NAALADL2: variants seen among roughly 807,000 people sequenced by gnomAD.
NAALADL2 encodes N-acetylated alpha-linked acidic dipeptidase like 2.
A neutral mutation model predicts 87.2 loss-of-function variants in NAALADL2; 76 were observed. The ratio of observed to expected loss-of-function variants is 0.87; its 90% confidence interval spans 0.72 to 1.05. NAALADL2 has a LOEUF of 1.05. Ranked by LOEUF, NAALADL2 falls within the 50% of genes least tolerant of loss-of-function variation. NAALADL2 has a pLI of 0.00. For missense variants in NAALADL2, 1,089 were observed against 945.8 expected (o/e 1.15, Z -1.99); for synonymous variants, 354 against 331.0 (o/e 1.07, Z -0.75).
chr3:174,694,521 C>T (rs917764440), intron 2 of NAALADL2, among the ~76,000 whole-genome samples: 2 of 151,946 alleles, frequency 1.3e-5, no homozygotes, highest in Non-Finnish European at 2.9e-5. Context: ...AATAAAAAGG[C>T]TTCACTTTGA....
intron 5 of NAALADL2, among the ~76,000 whole-genome samples, chr3:175,416,242 T>C (rs914230269): frequency 1.3e-5 from 2 of 152,158 alleles, no homozygotes; most frequent in African/African-American, 2.4e-5. Flanking sequence ...GGCAAGAACA[T>C]TGAAACAAAA....
At chr3:174,552,610 C>G (rs1712257611) in intron 2 of NAALADL2, among the ~76,000 whole-genome samples, 6 of 151,720 alleles carry the variant, frequency 4.0e-5, no homozygotes, top group Admixed American at 3.9e-4. Flanking sequence ...GCCTGGGAAA[C>G]ATGGCGAAAT....
In NAALADL2 at chr3:174,724,069, C is replaced by T. The variant is rs1478704108; in HGVS notation, c.-114-13572C>T. On this transcript the variant is annotated intron_variant, in intron 2 of 3. Transcript: ENST00000434257. The stretch of plus-strand genomic sequence containing the variant: ...TATTTTGCTATGATGATTTCTTTCT[C>T]CATGTTATTCTCTAAGACTGGCTAC... Among the ~76,000 whole-genome samples the T allele has an allele frequency of 5.3e-5, 8 of 152,012 alleles. No individual in the cohort carries two copies. The South Asian group carries it at 1.7e-3, about 32-fold the overall frequency.
At chr3:175,227,221 T>C (rs1744283200) in intron 2 of NAALADL2, among the ~76,000 whole-genome samples, 2 of 152,188 alleles carry the variant, frequency 1.3e-5, no homozygotes, top group South Asian at 4.1e-4. Flanking sequence ...CATGCCTGGC[T>C]TCCTCCAATT....
chr3:175,016,132 A>G (rs1001889490), intron 1 of NAALADL2, among the ~76,000 whole-genome samples: 1 of 151,320 alleles, frequency 6.6e-6, no homozygotes, highest in Non-Finnish European at 1.5e-5. Context: ...TTATTGTATC[A>G]TGTATTATAT....
chr3:175,444,832 G>A (rs1720432176), intron 5 of NAALADL2, among the ~76,000 whole-genome samples: 1 of 152,108 alleles, frequency 6.6e-6, no homozygotes, highest in African/African-American at 2.4e-5. Flanking sequence ...TGGATTCTAA[G>A]CTTAAATCTT....
intron 3 of NAALADL2, among the ~76,000 whole-genome samples, chr3:174,824,584 G>T (rs1394741572): frequency 6.6e-6 from 1 of 152,102 alleles, no homozygotes; most frequent in Non-Finnish European, 1.5e-5. Flanking sequence ...CCACATAAGT[G>T]ATTTGACTTA....
chr3:175,515,200 A>G (rs550936061), intron 9 of NAALADL2, among the ~76,000 whole-genome samples: 5 of 152,320 alleles, frequency 3.3e-5, no homozygotes, highest in African/African-American at 9.6e-5. Flanking sequence ...TGTTGCAACA[A>G]CTTGTTCCAT....
chr3:175,485,000 CAG>C (rs1727046213), intron 9 of NAALADL2, among the ~76,000 whole-genome samples: 1 of 152,060 alleles, frequency 6.6e-6, no homozygotes, highest in African/African-American at 2.4e-5. Context: ...GAATGGGTAA[CAG>C]TAAGAATGCA....
At chr3:174,736,355 A>G (rs747493063) in intron 2 of NAALADL2, among the ~76,000 whole-genome samples, 29 of 152,066 alleles carry the variant, frequency 1.9e-4, no homozygotes, top group Non-Finnish European at 2.9e-4. Context: ...AGACAAATGG[A>G]GGGTGAGCAA....
intron 1 of NAALADL2, among the ~76,000 whole-genome samples, chr3:174,938,765 T>C (rs943230709): frequency 5.3e-5 from 8 of 152,176 alleles, no homozygotes; most frequent in Admixed American, 3.3e-4. Context: ...ATTTCTCTAA[T>C]GATTAGTGAA....
intron 9 of NAALADL2, among the ~76,000 whole-genome samples, chr3:175,565,858 C>T (rs1253316016): frequency 9.2e-6 from 1 of 108,312 alleles, no homozygotes; most frequent in Non-Finnish European, 1.7e-5. Context: ...GAGATGGAAT[C>T]TCACTCTGTC....
intron 1 of NAALADL2, among the ~76,000 whole-genome samples, chr3:174,947,057 C>T (rs561531132): frequency 1.0e-3 from 156 of 152,190 alleles, no homozygotes; most frequent in African/African-American, 3.7e-3. Context: ...ATATAAAATC[C>T]TTGATATATA....
intron 1 of NAALADL2, among the ~76,000 whole-genome samples, chr3:174,879,853 C>T (rs1228696113): frequency 1.3e-5 from 2 of 151,976 alleles, no homozygotes; most frequent in Non-Finnish European, 2.9e-5. Flanking sequence ...TCACTAATTA[C>T]CTTCATGTTC....
intron 2 of NAALADL2, among the ~76,000 whole-genome samples, chr3:174,711,449 A>G (rs567169656): frequency 3.3e-5 from 5 of 152,334 alleles, no homozygotes; most frequent in South Asian, 4.1e-4. Flanking sequence ...ACACTTCCAC[A>G]TATAGTTAAG....
At chr3:174,833,505 A>C (rs561751885) in intron 3 of NAALADL2, among the ~76,000 whole-genome samples, 19 of 152,240 alleles carry the variant, frequency 1.2e-4, no homozygotes, top group Admixed American at 1.2e-3. Flanking sequence ...GTTCTGCACA[A>C]ATCTTGGAAA....
intron 3 of NAALADL2, among the ~76,000 whole-genome samples, chr3:174,817,641 A>C (rs1720951160): frequency 1.3e-5 from 2 of 152,190 alleles, no homozygotes; most frequent in African/African-American, 4.8e-5. Context: ...AAAGCTCTTT[A>C]AAATAAAAAT....
intron 1 of NAALADL2, among the ~76,000 whole-genome samples, chr3:174,921,771 C>T (rs1735224812): frequency 7.0e-6 from 1 of 142,996 alleles, no homozygotes; most frequent in South Asian, 2.2e-4. Context: ...TGCCGTTGCA[C>T]TCTGGCCTGG....
chr3:175,412,426 G>A (rs927432930), intron 5 of NAALADL2, among the ~76,000 whole-genome samples: 4 of 152,086 alleles, frequency 2.6e-5, no homozygotes, highest in East Asian at 1.9e-4. Context: ...TGATGCAGGA[G>A]GGAAAAAATT....
Sources: allele counts gnomAD v4.1 joint callset (sites outside exome capture counted in the v4.1 genomes callset), GRCh38; gene constraint gnomAD v4.1.1; transcripts MANE v1.5; gene names NCBI Gene and HGNC (gene_info 2026-07-23, HGNC 2026-07-21).